Variants in HRAS observed in about 807,000 individuals in gnomAD.
HRAS encodes the protein HRas proto-oncogene, GTPase.
A neutral mutation model predicts 19.8 loss-of-function variants in HRAS; 11 were observed. The ratio of observed to expected loss-of-function variants is 0.55; its 90% CI spans 0.35 to 0.92. The LOEUF is 0.92. Among genes scored for constraint, HRAS ranks in the 40% least tolerant of loss-of-function variants. The probability of loss-of-function intolerance (pLI) is 0.01; values close to 1 mark genes in which losing one functional copy is unlikely to be tolerated. For synonymous variants in HRAS, 149 were observed against 105.5 expected, an observed-to-expected ratio of 1.41 and a Z score of -2.52; for missense variants, 204 against 255.9, an observed-to-expected ratio of 0.80 and a Z score of 1.38.
chr11:533,387 C>T (rs2133985565), intron 4 of HRAS, 66 bp downstream of exon 4: 1 of 1,592,230 alleles, frequency 6.3e-7, no homozygotes, highest in Non-Finnish European at 8.6e-7. Flanking sequence ...TCAGTGAGTG[C>T]TGCTCCCTGG....
At position 534,318 on chromosome 11, in the gene HRAS, G is replaced by A. The variant is rs1447218022; in HGVS notation, c.5C>T (p.Thr2Met). The part of the protein sequence containing the change: M[T>M]EYKLVVVGAG... ...GCCCACCACCACCAGCTTATATTCC[G>A]TCATCGCTCCTCAGGGGCCTGCGGC... The change falls in exon 2 of 6, where the codon ACG becomes ATG. Residue 2 changes from threonine (T) to methionine (M), a missense_variant. Thr to Met is a moderately conservative substitution (Grantham distance 81). Around this residue, in one of 4 missense-constraint regions of HRAS, gnomAD observed 10 missense variants for 18.0 expected, o/e 0.56. Transcript: ENST00000311189. 2 of 1,611,778 alleles carry A rather than the reference G, an allele frequency of 1.2e-6. No homozygotes were observed. The highest frequency in any genetic ancestry group is 1.7e-6 in the Non-Finnish European group (2 of 1,179,468).
Position 533,827 on chromosome 11 carries a change from C to T in HRAS, c.229G>A (p.Gly77Ser), listed in dbSNP as rs1309567083. Residue 77 changes from glycine (G) to serine (S), a missense_variant, in exon 3 of 6, where the codon GGC becomes AGC. Coordinates refer to ENST00000311189, the MANE Select transcript of HRAS (RefSeq NM_005343.4). ...TTGATGGCAAACACACACAGGAAGCCCTCCCCGGTGCGCATGTACTGGTCC... is the reference window on the plus strand; with the variant it reads ...TTGATGGCAAACACACACAGGAAGCTCTCCCCGGTGCGCATGTACTGGTCC... The part of the protein sequence containing the change: ...MRDQYMRTGE[G>S]FLCVFAINNT... 2 of 1,613,220 alleles carry T rather than the reference C, an allele frequency of 1.2e-6. No homozygotes were observed. The highest frequency in any genetic ancestry group is 1.7e-6 in the Non-Finnish European group (2 of 1,180,008).
rs375878504 is a variant in HRAS at position 532,741 on chromosome 11, G to A, written c.465C>T (p.Ala155=). The part of the protein sequence containing the change: ...SAKTRQGVED[A]FYTLVREIRQ... ...GGATCTCACGCACCAACGTGTAGAA[G>A]GCATCCTCCACTCCCTGGGAAAGGA... The change falls in exon 5 of 6, where the codon GCC becomes GCT. Residue 155 remains alanine, a synonymous_variant. Coordinates refer to ENST00000311189, the MANE Select transcript of HRAS (RefSeq NM_005343.4). The A allele has an allele frequency of 5.1e-5, 83 of 1,612,830 alleles. No homozygotes were observed. The highest frequency in any genetic ancestry group is 7.0e-5 in the Non-Finnish European group (83 of 1,180,016).
chr11:532,966 G>A (rs970285163), intron 4 of HRAS, among the ~76,000 whole-genome samples: 6 of 152,314 alleles, frequency 3.9e-5, no homozygotes, highest in South Asian at 2.1e-4. Flanking sequence ...GCCCCTCAAA[G>A]GTCAGGGTGG....
intron 1 of HRAS, 110 bp downstream of exon 1, chr11:535,306 C>CGCTGCCGCT (rs1007825297): frequency 8.2e-5 from 12 of 146,208 alleles, no homozygotes; most frequent in Non-Finnish European, 6.1e-5. Context: ...CCGCCGCCGC[C>CGCTGCCGCT]GCCGCCGCTT....
intron 4 of HRAS, 171 bp downstream of exon 4, chr11:533,282 G>C: frequency 1.3e-6 from 2 of 1,591,678 alleles, no homozygotes; most frequent in East Asian, 2.3e-5. Flanking sequence ...CTTACAGCGC[G>C]AGGGGCCGCT....
intron 1 of HRAS, chr11:534,663 G>A (rs150109475): frequency 4.9e-6 from 2 of 406,800 alleles, no homozygotes; most frequent in Non-Finnish European, 9.1e-6. Flanking sequence ...ATTAGAAGCT[G>A]CTGGGTCGGC....
intron 3 of HRAS, 34 bp from the exon 4 acceptor site, chr11:533,646 G>T (rs45467697): frequency 6.2e-7 from 1 of 1,613,356 alleles, no homozygotes; most frequent in African/African-American, 1.3e-5. Flanking sequence ...GGCTACGGGG[G>T]CTGCAGGCGC....
At chr11:535,269 G>A (rs1370063503) in intron 1 of HRAS, 147 bp downstream of exon 1, 5 of 138,030 alleles carry the variant, frequency 3.6e-5, no homozygotes, top group Non-Finnish European at 6.4e-5. Flanking sequence ...GTGCCCGCGG[G>A]CCCCGCCCGG....
At chr11:533,051 C>T (rs948817494) in intron 4 of HRAS, among the ~76,000 whole-genome samples, 1 of 152,234 alleles carries the variant, frequency 6.6e-6, no homozygotes, top group African/African-American at 2.4e-5. Context: ...CAGCTACGGC[C>T]CGTGTCCCCA....
intron 1 of HRAS, chr11:534,627 C>T: frequency 4.0e-6 from 2 of 500,276 alleles, no homozygotes; most frequent in East Asian, 3.4e-5. Flanking sequence ...GGGCTGACAG[C>T]TGAGCGCTCT....
intron 5 of HRAS, 48 bp downstream of exon 5, chr11:532,583 C>T (rs2133981594): frequency 6.3e-7 from 1 of 1,582,202 alleles, no homozygotes; most frequent in Non-Finnish European, 8.5e-7. Context: ...GGGCGGGGAG[C>T]CGGGGTCATC....
chr11:533,108 TG>T (rs1851206769), intron 4 of HRAS, among the ~76,000 whole-genome samples: 1 of 152,330 alleles, frequency 6.6e-6, no homozygotes, highest in African/African-American at 2.4e-5. Context: ...TGGGACACTC[TG>T]GGGACAAGAG....
intron 4 of HRAS, 168 bp downstream of exon 4, chr11:533,285 G>T (rs45479892): frequency 1.9e-6 from 3 of 1,593,546 alleles, no homozygotes; most frequent in Non-Finnish European, 2.6e-6. Flanking sequence ...ACAGCGCGAG[G>T]GGCCGCTGGG....
At chr11:535,379 A>C (rs1351828724) in intron 1 of HRAS, 37 bp downstream of exon 1, 2 of 145,044 alleles carry the variant, frequency 1.4e-5, no homozygotes, top group Non-Finnish European at 3.1e-5. Context: ...GGGGGCGAGG[A>C]GGGCGCGCGG....
At chr11:533,011 G>A (rs535271126) in intron 4 of HRAS, among the ~76,000 whole-genome samples, 59 of 151,194 alleles carry the variant, frequency 3.9e-4, no homozygotes, top group Non-Finnish European at 6.8e-4. Flanking sequence ...TCTGGCCAGG[G>A]TTTGACCACC....
intron 1 of HRAS, chr11:534,591 G>T: frequency 1.8e-6 from 1 of 563,198 alleles, no homozygotes. Context: ...CCAGTGATGG[G>T]AAAAGGGACC....
intron 4 of HRAS, among the ~76,000 whole-genome samples, chr11:533,112 G>A (rs1048786235): frequency 6.6e-6 from 1 of 152,240 alleles, no homozygotes. Context: ...ACACTCTGGG[G>A]ACAAGAGGGG....
At position 532,691 on chromosome 11, in the gene HRAS, T is replaced by C. The variant is rs913523409; in HGVS notation, c.515A>G (p.Asn172Ser). Residue 172 changes from asparagine to serine, a missense_variant, in exon 5 of 6, where the codon AAC becomes AGC. Physicochemically the swap from Asn to Ser is conservative, Grantham distance 46 (BLOSUM62 1). Around this residue, in one of 4 missense-constraint regions of HRAS, gnomAD observed 142 missense variants for 141.1 expected, o/e 1.01. Transcript: ENST00000311189. Reference sequence around the variant, plus strand: ...GCCGGGGCCACTCTCATCAGGAGGGTTCAGCTTCCGCAGCTTGTGCTGCCG... The same window carrying C: ...GCCGGGGCCACTCTCATCAGGAGGGCTCAGCTTCCGCAGCTTGTGCTGCCG... Reference protein sequence around the residue: ...EIRQHKLRKLNPPDESGPGCM... With the variant: ...EIRQHKLRKLSPPDESGPGCM... The C allele has an allele frequency of 6.2e-7, 1 of 1,613,068 alleles. No individual in the cohort carries two copies. The highest frequency in any genetic ancestry group is 8.5e-7 in the Non-Finnish European group (1 of 1,179,964).
Sources: allele counts gnomAD v4.1 joint callset (sites outside exome capture counted in the v4.1 genomes callset), GRCh38; gene constraint gnomAD v4.1.1; regional missense constraint gnomAD v4.1.1; transcripts MANE v1.5; gene names NCBI Gene and HGNC (gene_info 2026-07-23, HGNC 2026-07-21).